CHN1: variants seen among roughly 807,000 people sequenced by gnomAD.
CHN1 encodes chimerin 1.
A neutral mutation model predicts 59.5 loss-of-function variants in CHN1; 37 were observed. That is an observed-to-expected ratio of 0.62 (90% CI 0.48 to 0.82). The LOEUF (loss-of-function observed/expected upper bound fraction) is 0.82, where lower values mean the gene tolerates loss of function less well. Ranked by LOEUF, CHN1 falls within the 40% of genes least tolerant of loss-of-function variation. CHN1 has a pLI of 0.00. For synonymous variants in CHN1, 206 were observed against 200.4 expected, an observed-to-expected ratio of 1.03 and a Z score of -0.24; for missense variants, 469 against 571.0, an observed-to-expected ratio of 0.82 and a Z score of 1.82.
At chr2:174,950,227 G>A (rs1019055193) in intron 2 of CHN1, among the ~76,000 whole-genome samples, 8 of 151,844 alleles carry the variant, frequency 5.3e-5, no homozygotes, top group Non-Finnish European at 8.8e-5. Flanking sequence ...CAGCCTGGGC[G>A]ACAAAGCAAT....
intron 1 of CHN1, among the ~76,000 whole-genome samples, chr2:174,993,225 C>A (rs887569685): frequency 2.7e-5 from 4 of 150,344 alleles, no homozygotes; most frequent in Non-Finnish European, 4.4e-5. Flanking sequence ...CTCTTAGTAA[C>A]TGTCCATCCA....
At chr2:174,943,333 T>G (rs894581105) in intron 3 of CHN1, among the ~76,000 whole-genome samples, 2 of 151,968 alleles carry the variant, frequency 1.3e-5, no homozygotes, top group African/African-American at 4.8e-5. Context: ...TTCAAGCGAT[T>G]CTCCTGCCTC....
intron 1 of CHN1, among the ~76,000 whole-genome samples, chr2:174,954,376 T>C (rs951419546): frequency 6.6e-6 from 1 of 152,170 alleles, no homozygotes; most frequent in African/African-American, 2.4e-5. Flanking sequence ...TTCTAGATAC[T>C]GGCTTAGGCA....
chr2:174,915,026 A>C, intron 5 of CHN1, 32 bp downstream of exon 5: 1 of 1,316,414 alleles, frequency 7.6e-7, no homozygotes, highest in Non-Finnish European at 1.1e-6. Context: ...TTTTAAATAA[A>C]GCACAGTAGT....
rs150656966 is a variant in CHN1 at position 174,913,586 on chromosome 2, T to C, written c.260+1472A>G. Among the ~76,000 whole-genome samples, 676 of 152,260 alleles carry C rather than the reference T, an allele frequency of 4.4e-3. 6 individuals are homozygous for C. Among genetic ancestry groups the C allele is most frequent in the African/African-American group, 0.015 (637 of 41,548 alleles). ...TGAAAAAAACAGTATAATTAAGTAA[T>C]TGAAGTGGAATTTACACTTTATAAT... On this transcript the variant is annotated intron_variant, in intron 5 of 12. Coordinates refer to ENST00000409900, the MANE Select transcript of CHN1 (RefSeq NM_001822.7).
chr2:174,847,649 C>A, intron 6 of CHN1: 1 of 1,322,206 alleles, frequency 7.6e-7, no homozygotes, highest in Admixed American at 2.3e-5. Flanking sequence ...ATTAGATTGG[C>A]CACCGTAAGA....
intron 1 of CHN1, among the ~76,000 whole-genome samples, chr2:175,001,671 T>C (rs1559017864): frequency 6.6e-6 from 1 of 152,168 alleles, no homozygotes; most frequent in Non-Finnish European, 1.5e-5. Context: ...GGACCATTAT[T>C]CAAGGTTCAG....
intron 1 of CHN1, among the ~76,000 whole-genome samples, chr2:174,960,066 C>T (rs1690349840): frequency 6.6e-6 from 1 of 152,102 alleles, no homozygotes; most frequent in South Asian, 2.1e-4. Context: ...GGAAAGCCTC[C>T]TGGGGCTCAA....
In CHN1 at chr2:174,857,060, GT is replaced by G. The variant is rs1030892128; in HGVS notation, c.550-10104del. ...TTATAACAAAATATAATGAGATACA[GT>G]TATTAATATCATAAAGTAGTGACCA... On this transcript the variant is annotated intron_variant, in intron 6 of 12. Transcript: ENST00000409900. Among the ~76,000 whole-genome samples, 4 of 152,282 alleles carry G rather than the reference GT, an allele frequency of 2.6e-5. 1 individual carries two copies. The highest frequency in any genetic ancestry group is 9.6e-5 in the African/African-American group (4 of 41,564).
At chr2:174,886,701 A>G (rs1366307533) in intron 5 of CHN1, among the ~76,000 whole-genome samples, 3 of 152,214 alleles carry the variant, frequency 2.0e-5, no homozygotes, top group African/African-American at 4.8e-5. Flanking sequence ...TCTGGTTTCC[A>G]TATGGGCAGG....
chr2:174,919,789 CAT>C (rs1688954491), intron 3 of CHN1, among the ~76,000 whole-genome samples: 1 of 151,756 alleles, frequency 6.6e-6, no homozygotes, highest in Admixed American at 6.6e-5. Flanking sequence ...GGTTAGAACA[CAT>C]AAAATTTACC....
intron 1 of CHN1, among the ~76,000 whole-genome samples, chr2:174,974,846 C>T (rs1434354180): frequency 2.0e-5 from 3 of 149,056 alleles, no homozygotes; most frequent in Admixed American, 1.4e-4. Context: ...AGTATATATG[C>T]CTGTAACTTT....
At chr2:174,872,334 A>T (rs1687435182) in intron 6 of CHN1, among the ~76,000 whole-genome samples, 1 of 152,214 alleles carries the variant, frequency 6.6e-6, no homozygotes, top group African/African-American at 2.4e-5. Flanking sequence ...GAAATTGTGT[A>T]GATGGCTCAT....
At chr2:175,001,656 ATAGAGG>A (rs1269119274) in intron 1 of CHN1, among the ~76,000 whole-genome samples, 2 of 152,350 alleles carry the variant, frequency 1.3e-5, no homozygotes, top group Admixed American at 6.5e-5. Context: ...CTCTACCCAG[ATAGAGG>A]ACCATTATTC....
At chr2:174,925,379 A>G (rs1689138757) in intron 3 of CHN1, among the ~76,000 whole-genome samples, 2 of 152,222 alleles carry the variant, frequency 1.3e-5, no homozygotes, top group African/African-American at 4.8e-5. Flanking sequence ...AGATACAAAT[A>G]TTTTATCCCA....
intron 1 of CHN1, among the ~76,000 whole-genome samples, chr2:174,981,678 T>C (rs1025542925): frequency 6.6e-6 from 1 of 152,228 alleles, no homozygotes; most frequent in Admixed American, 6.5e-5. Flanking sequence ...TAAGTAACAG[T>C]TCATCAGCAT....
At chr2:174,851,055 T>C (rs1200208920) in intron 6 of CHN1, among the ~76,000 whole-genome samples, 1 of 152,198 alleles carries the variant, frequency 6.6e-6, no homozygotes, top group Non-Finnish European at 1.5e-5. Context: ...CTTCAAAGCC[T>C]GACAGCTCTT....
chr2:174,853,295 A>C (rs1686796950), intron 6 of CHN1, among the ~76,000 whole-genome samples: 1 of 152,064 alleles, frequency 6.6e-6, no homozygotes, highest in Admixed American at 6.6e-5. Context: ...GACATGAACA[A>C]ACACTTCTCA....
intron 6 of CHN1, among the ~76,000 whole-genome samples, chr2:174,866,442 A>G (rs1445693150): frequency 6.6e-6 from 1 of 152,206 alleles, no homozygotes; most frequent in Non-Finnish European, 1.5e-5. Flanking sequence ...TAAAAATAAA[A>G]CACAGAAAAA....
Sources: gnomAD v4.1 joint callset for allele counts (sites outside exome capture counted in the v4.1 genomes callset) on GRCh38, gnomAD v4.1.1 for gene constraint, MANE v1.5 for transcripts, NCBI Gene and HGNC (gene_info 2026-07-23, HGNC 2026-07-21) for gene names.